The following SCAPER variants were observed in gnomAD, a reference collection of about 807,000 sequenced individuals.
SCAPER encodes S phase cyclin A-associated protein in the endoplasmic reticulum.
SCAPER carries 98 observed loss-of-function variants against 182.2 expected under a neutral mutation model. That is an observed-to-expected ratio of 0.54 (90% confidence interval 0.46 to 0.64). The LOEUF (loss-of-function observed/expected upper bound fraction) is 0.64, where lower values mean the gene tolerates loss of function less well. Ranked by LOEUF, SCAPER falls within the 30% of genes least tolerant of loss-of-function variation. SCAPER has a pLI of 0.00. For missense variants in SCAPER, 1,432 were observed against 1,690.0 expected, an observed-to-expected ratio of 0.85 and a Z score of 2.68; for synonymous variants, 605 against 564.6, an observed-to-expected ratio of 1.07 and a Z score of -1.01.
chr15:76,495,316 G>A (rs779847838), intron 24 of SCAPER, among the ~76,000 whole-genome samples: 3 of 152,112 alleles, frequency 2.0e-5, no homozygotes, highest in South Asian at 2.1e-4. Flanking sequence ...GGTGGCTCAC[G>A]CCTGTAATCC....
intron 24 of SCAPER, among the ~76,000 whole-genome samples, chr15:76,492,437 A>G (rs578196942): frequency 1.2e-4 from 19 of 152,280 alleles, no homozygotes; most frequent in African/African-American, 4.3e-4. Context: ...AATTTTTCCA[A>G]TGGAGTCTCA....
chr15:76,782,269 A>G (rs4886828), intron 8 of SCAPER, among the ~76,000 whole-genome samples: 124,161 of 151,920 alleles, frequency 0.82, 51,495 homozygotes, highest in Middle Eastern at 0.91. Flanking sequence ...TTAAACCAAC[A>G]AAGATCAAAA....
intron 20 of SCAPER, among the ~76,000 whole-genome samples, chr15:76,687,652 CGTT>C (rs1269796441): frequency 1.3e-5 from 2 of 152,114 alleles, no homozygotes; most frequent in South Asian, 4.1e-4. Context: ...CAGGTGTTCT[CGTT>C]GTTCAGCTCC....
In SCAPER at chr15:76,401,138, G is replaced by T. The variant is rs141630209; in HGVS notation, c.3467+3386C>A. ...ACATATATGTATATGTATATGATAT[G>T]TATATGTATATGATAATCTTATATC... On this transcript the variant is annotated intron_variant, in intron 27 of 31. Transcript: ENST00000563290. 1.4e-4 allele frequency among the ~76,000 whole-genome samples: 21 copies of T among 152,068 alleles called. No individual in the cohort carries two copies. The East Asian group carries it at 4.1e-3, about 30-fold the overall frequency.
intron 8 of SCAPER, among the ~76,000 whole-genome samples, chr15:76,791,319 A>G (rs1304720912): frequency 1.3e-5 from 2 of 152,338 alleles, no homozygotes; most frequent in East Asian, 3.9e-4. Context: ...GCCAAAAACA[A>G]CTATAAAAAA....
chr15:76,590,474 A>G (rs2049024764), intron 22 of SCAPER, among the ~76,000 whole-genome samples: 1 of 152,190 alleles, frequency 6.6e-6, no homozygotes, highest in South Asian at 2.1e-4. Flanking sequence ...TGGCCCAAAA[A>G]ATTTCATTTC....
At chr15:76,899,490 G>A (rs1260712091) in intron 1 of SCAPER, among the ~76,000 whole-genome samples, 1 of 152,352 alleles carries the variant, frequency 6.6e-6, no homozygotes, top group East Asian at 1.9e-4. Context: ...CTGGAGTGCA[G>A]TGGCCTGATC....
At chr15:76,454,456 C>T (rs979728807) in intron 25 of SCAPER, among the ~76,000 whole-genome samples, 3 of 152,140 alleles carry the variant, frequency 2.0e-5, no homozygotes, top group Admixed American at 2.0e-4. Context: ...CTATCTCATT[C>T]CCCATCTCCC....
intron 20 of SCAPER, among the ~76,000 whole-genome samples, chr15:76,692,518 A>T (rs1419238732): frequency 1.3e-5 from 2 of 151,866 alleles, no homozygotes; most frequent in Non-Finnish European, 2.9e-5. Context: ...GTGAAACCTC[A>T]TCTCTATTAA....
intron 7 of SCAPER, among the ~76,000 whole-genome samples, chr15:76,796,237 T>C (rs1246993663): frequency 6.6e-6 from 1 of 152,182 alleles, no homozygotes; most frequent in Non-Finnish European, 1.5e-5. Flanking sequence ...GTGATGTCTA[T>C]TATATAATTT....
intron 25 of SCAPER, among the ~76,000 whole-genome samples, chr15:76,463,288 T>A (rs1176785724): frequency 1.3e-5 from 2 of 152,144 alleles, no homozygotes; most frequent in African/African-American, 4.8e-5. Flanking sequence ...GGCAACTCAA[T>A]ATAAAGAAAC....
chr15:76,885,485 A>T (rs2073791156), intron 1 of SCAPER, among the ~76,000 whole-genome samples: 1 of 152,126 alleles, frequency 6.6e-6, no homozygotes, highest in Admixed American at 6.6e-5. Flanking sequence ...ACATTCATTC[A>T]TTCATTCACT....
rs536334835 is a variant in SCAPER, at chr15:76,616,590, CTG to C, written c.2711+5172_2711+5173del. The stretch of plus-strand genomic sequence containing the variant: ...TATGAATGTATTTAATATCATTAAA[CTG>C]TATTAATAATGAGTAAGATAGTAAA... On this transcript the variant is annotated intron_variant, in intron 22 of 31. Coordinates refer to ENST00000563290, the MANE Select transcript of SCAPER (RefSeq NM_020843.4). Among the ~76,000 whole-genome samples the C allele has an allele frequency of 7.3e-3, 1,114 of 152,116 alleles. 8 individuals carry two copies. Among genetic ancestry groups the C allele is most frequent in the Non-Finnish European group, 0.011 (758 of 67,980 alleles).
intron 23 of SCAPER, among the ~76,000 whole-genome samples, chr15:76,568,126 C>A (rs868339832): frequency 6.7e-6 from 1 of 150,314 alleles, no homozygotes; most frequent in African/African-American, 2.5e-5. Context: ...TTTCCCACAA[C>A]GTTTTGTGGT....
At chr15:76,744,642 G>A (rs2151133819) in intron 15 of SCAPER, among the ~76,000 whole-genome samples, 1 of 152,180 alleles carries the variant, frequency 6.6e-6, no homozygotes, top group Non-Finnish European at 1.5e-5. Flanking sequence ...AGAGATGCTG[G>A]CAAGGCTACA....
intron 5 of SCAPER, among the ~76,000 whole-genome samples, chr15:76,805,203 G>GT (rs937885620): frequency 3.3e-5 from 5 of 152,130 alleles, no homozygotes; most frequent in Non-Finnish European, 7.4e-5. Context: ...TGTTTCTACT[G>GT]TTTATTATGA....
chr15:76,416,297 A>G (rs938642783), intron 26 of SCAPER, among the ~76,000 whole-genome samples: 10 of 146,358 alleles, frequency 6.8e-5, no homozygotes, highest in Admixed American at 6.4e-4. Flanking sequence ...CAATATGGTG[A>G]AACCCTGCCT....
intron 5 of SCAPER, among the ~76,000 whole-genome samples, chr15:76,826,243 T>C (rs1355270662): frequency 6.6e-6 from 1 of 151,794 alleles, no homozygotes; most frequent in East Asian, 1.9e-4. Context: ...TAAAAAATGA[T>C]GAGTTCATGT....
chr15:76,884,492 C>T lies in SCAPER; in HGVS notation c.-59-616G>A, dbSNP rs1219523546. On this transcript the variant is annotated intron_variant, in intron 1 of 31. Transcript: ENST00000563290. ...AGAAATCCAAGTCAGGGAAACTAGA[C>T]AGAACACAGGGACTGGGAAATTGCT... is the stretch of plus-strand genomic sequence containing the variant. Among the ~76,000 whole-genome samples the T allele has an allele frequency of 2.6e-5, 4 of 152,168 alleles. No homozygotes were observed. The East Asian group carries it at 7.7e-4, about 29-fold the overall frequency.
Sources: gnomAD v4.1 joint callset for allele counts (sites outside exome capture counted in the v4.1 genomes callset) on GRCh38, gnomAD v4.1.1 for gene constraint, MANE v1.5 for transcripts, NCBI Gene and HGNC (gene_info 2026-07-23, HGNC 2026-07-21) for gene names.